The following GPC5 variants were observed in gnomAD, a reference collection of about 807,000 sequenced individuals.
GPC5 encodes glypican 5.
A neutral mutation model predicts 53.9 loss-of-function variants in GPC5; 47 were observed. The observed-to-expected ratio is 0.87, with a 90% CI of 0.69 to 1.11. The LOEUF (loss-of-function observed/expected upper bound fraction) is 1.11. Ranked by LOEUF, GPC5 falls within the 50% of genes most tolerant of loss-of-function variation. GPC5 has a pLI of 0.00. For synonymous variants in GPC5, 286 were observed against 263.3 expected, an observed-to-expected ratio of 1.09 and a Z score of -0.84; for missense variants, 748 against 713.1, an observed-to-expected ratio of 1.05 and a Z score of -0.56.
intron 7 of GPC5, among the ~76,000 whole-genome samples, chr13:92,818,302 A>G (rs1230147225): frequency 6.6e-6 from 1 of 151,980 alleles, no homozygotes; most frequent in African/African-American, 2.4e-5. Context: ...GAGCCACCGC[A>G]ACTGGCCCAC....
intron 5 of GPC5, among the ~76,000 whole-genome samples, chr13:91,871,958 A>G (rs1332912611): frequency 1.3e-5 from 2 of 152,090 alleles, no homozygotes; most frequent in East Asian, 3.9e-4. Flanking sequence ...CCGAAGGCAA[A>G]ATTGCGGTGG....
intron 7 of GPC5, among the ~76,000 whole-genome samples, chr13:92,267,905 C>T (rs1340693529): frequency 1.3e-5 from 2 of 152,040 alleles, no homozygotes; most frequent in Non-Finnish European, 2.9e-5. Context: ...ATAGGCTTTT[C>T]ATGACCTGTT....
intron 2 of GPC5, among the ~76,000 whole-genome samples, chr13:91,583,247 A>G (rs2032436457): frequency 6.6e-6 from 1 of 152,192 alleles, no homozygotes; most frequent in Non-Finnish European, 1.5e-5. Context: ...AAAGGAATAT[A>G]GTTGGAAAGG....
At chr13:91,425,618 T>C (rs1878987704) in intron 1 of GPC5, among the ~76,000 whole-genome samples, 1 of 152,338 alleles carries the variant, frequency 6.6e-6, no homozygotes, top group Non-Finnish European at 1.5e-5. Flanking sequence ...TCCCCAGCCA[T>C]GTGGAACTGT....
intron 7 of GPC5, among the ~76,000 whole-genome samples, chr13:92,858,904 G>T (rs956239091): frequency 6.6e-5 from 10 of 152,090 alleles, no homozygotes; most frequent in African/African-American, 2.4e-4. Flanking sequence ...ATTTAACTCT[G>T]TATAGAATTC....
chr13:91,897,031 T>TCCG (rs2039449422), intron 5 of GPC5, among the ~76,000 whole-genome samples: 1 of 151,198 alleles, frequency 6.6e-6, no homozygotes, highest in South Asian at 2.1e-4. Context: ...TTCTTCTTCC[T>TCCG]CCTCCTCTTC....
chr13:92,153,580 G>A (rs1403141914), intron 7 of GPC5, among the ~76,000 whole-genome samples: 3 of 152,184 alleles, frequency 2.0e-5, no homozygotes, highest in Non-Finnish European at 4.4e-5. Flanking sequence ...AAACCATCTG[G>A]AAAGTATCTC....
At chr13:91,965,625 C>T (rs2040173410) in intron 6 of GPC5, among the ~76,000 whole-genome samples, 1 of 152,194 alleles carries the variant, frequency 6.6e-6, no homozygotes, top group East Asian at 1.9e-4. Flanking sequence ...GGTATTAATT[C>T]ACAAGGGTTC....
intron 7 of GPC5, among the ~76,000 whole-genome samples, chr13:92,754,038 A>T (rs185324395): frequency 7.9e-5 from 12 of 152,336 alleles, no homozygotes; most frequent in African/African-American, 1.2e-4. Flanking sequence ...CAGATTCACC[A>T]AAGTTGAAAT....
At chr13:91,901,180 C>T (rs1032793650) in intron 5 of GPC5, among the ~76,000 whole-genome samples, 1 of 151,894 alleles carries the variant, frequency 6.6e-6, no homozygotes, top group Non-Finnish European at 1.5e-5. Context: ...TCATAATAAG[C>T]TCTCCTTAAT....
chr13:92,683,194 T>C (rs1351904224), intron 7 of GPC5, among the ~76,000 whole-genome samples: 20 of 151,496 alleles, frequency 1.3e-4, no homozygotes, highest in Non-Finnish European at 2.5e-4. Flanking sequence ...GCATCATTGG[T>C]CAGAAAAAGA....
intron 7 of GPC5, among the ~76,000 whole-genome samples, chr13:92,393,683 G>A (rs1248454696): frequency 1.3e-5 from 2 of 151,934 alleles, no homozygotes; most frequent in Admixed American, 6.6e-5. Flanking sequence ...ACACAAAGAA[G>A]GAAACAACAG....
intron 1 of GPC5, among the ~76,000 whole-genome samples, chr13:91,438,158 A>G (rs904504684): frequency 2.0e-5 from 3 of 151,514 alleles, no homozygotes; most frequent in African/African-American, 4.9e-5. Flanking sequence ...CCTTTTCTCA[A>G]CTCATCAAAG....
intron 2 of GPC5, among the ~76,000 whole-genome samples, chr13:91,495,379 C>T (rs1217051843): frequency 6.6e-6 from 1 of 152,166 alleles, no homozygotes; most frequent in Non-Finnish European, 1.5e-5. Flanking sequence ...AGCATCAAGC[C>T]ATGTCACTCC....
At position 92,280,434 on chromosome 13, in the gene GPC5, C is replaced by A. The variant is rs2042906341; in HGVS notation, c.1561+135445C>A. On this transcript the variant is annotated intron_variant, in intron 7 of 7. Transcript: ENST00000377067. The stretch of plus-strand genomic sequence containing the variant: ...CTTTGCTTTTTCTAGTTTGCTAAAG[C>A]ATTAAGTTATGTTGTCAATATCGGA... Among the ~76,000 whole-genome samples the A allele has an allele frequency of 1.3e-5, 2 of 152,118 alleles. 1 individual carries two copies. The highest frequency in any genetic ancestry group is 4.1e-4 in the South Asian group (2 of 4,826).
chr13:92,304,958 A>G (rs1224745619), intron 7 of GPC5, among the ~76,000 whole-genome samples: 1 of 152,180 alleles, frequency 6.6e-6, no homozygotes, highest in Non-Finnish European at 1.5e-5. Flanking sequence ...AGCCCTAACC[A>G]TTAGAGTAAA....
chr13:92,206,988 T>G (rs886323264), intron 7 of GPC5, among the ~76,000 whole-genome samples: 3 of 152,192 alleles, frequency 2.0e-5, no homozygotes, highest in African/African-American at 7.2e-5. Context: ...GAGCCTCTCT[T>G]GAGGTATTAA....
intron 6 of GPC5, among the ~76,000 whole-genome samples, chr13:92,002,252 A>G (rs2040562399): frequency 6.6e-6 from 1 of 152,212 alleles, no homozygotes; most frequent in Non-Finnish European, 1.5e-5. Context: ...GAGAACAAAG[A>G]GGTTTGTTAA....
intron 6 of GPC5, among the ~76,000 whole-genome samples, chr13:92,002,005 C>T (rs536899905): frequency 3.9e-4 from 59 of 152,232 alleles, no homozygotes; most frequent in Non-Finnish European, 6.0e-4. Context: ...AAGAGTAAGC[C>T]TTTCTGTGCC....
Sources: allele counts gnomAD v4.1 joint callset (sites outside exome capture counted in the v4.1 genomes callset), GRCh38; gene constraint gnomAD v4.1.1; transcripts MANE v1.5; gene names NCBI Gene and HGNC (gene_info 2026-07-23, HGNC 2026-07-21).